The following ZNF362 variants were observed in gnomAD, a reference collection of about 807,000 sequenced individuals.
ZNF362 encodes rotund homolog.
Under a neutral mutation model 42.9 loss-of-function variants are expected in ZNF362, and 11 were observed. That is an observed-to-expected ratio of 0.26 (90% CI 0.16 to 0.42). The LOEUF (loss-of-function observed/expected upper bound fraction) is 0.42. Among genes scored for constraint, ZNF362 ranks in the 20% least tolerant of loss-of-function variants. The pLI, the probability that ZNF362 is intolerant of heterozygous loss-of-function variation, is 1.00. For missense variants in ZNF362, 362 were observed against 576.2 expected, an observed-to-expected ratio of 0.63 and a Z score of 3.81; for synonymous variants, 255 against 257.3, an observed-to-expected ratio of 0.99 and a Z score of 0.09.
chr1:33,275,227 C>G, intron 2 of ZNF362: 2 of 985,426 alleles, frequency 2.0e-6, no homozygotes, highest in Non-Finnish European at 2.4e-6. Context: ...AGCAGGAAGA[C>G]AAACCTTCTG....
chr1:33,201,714 A>G, the ZNF362 span, among the ~76,000 whole-genome samples: 30 of 152,188 alleles, frequency 2.0e-4, no homozygotes, highest in African/African-American at 5.8e-4. Context: ...AAGAAACAAC[A>G]AAAAGAGAAA....
At chr1:33,149,942 C>T in the ZNF362 span, among the ~76,000 whole-genome samples, 2 of 152,206 alleles carry the variant, frequency 1.3e-5, no homozygotes, top group African/African-American at 4.8e-5. Context: ...GAAAGACTCA[C>T]CAAATTAAAC....
chr1:33,207,511 T>C, the ZNF362 span, among the ~76,000 whole-genome samples: 8 of 152,200 alleles, frequency 5.3e-5, no homozygotes, highest in African/African-American at 1.9e-4. Context: ...TTCTAGATCC[T>C]TGAAGAATCA....
the ZNF362 span, among the ~76,000 whole-genome samples, chr1:33,244,084 T>G: frequency 6.6e-6 from 1 of 152,208 alleles, no homozygotes; most frequent in Non-Finnish European, 1.5e-5. The surrounding 1 kb of genome is among the most constrained non-coding windows in gnomAD (Gnocchi z 4.0). Flanking sequence ...GTAATCACTA[T>G]GATGTCTACA....
the ZNF362 span, among the ~76,000 whole-genome samples, chr1:33,236,550 A>AATATATATATAT: frequency 2.8e-3 from 17 of 5,970 alleles, 2 homozygotes; most frequent in South Asian, 0.019. Flanking sequence ...AAAAAAAAAA[A>AATATATATATAT]ATATATATAT....
At chr1:33,214,167 T>G in the ZNF362 span, among the ~76,000 whole-genome samples, 3 of 152,180 alleles carry the variant, frequency 2.0e-5, no homozygotes, top group Non-Finnish European at 4.4e-5. Flanking sequence ...AATAGCTGAA[T>G]GCACACCCCT....
the ZNF362 span, among the ~76,000 whole-genome samples, chr1:33,185,152 G>A: frequency 6.6e-6 from 1 of 152,122 alleles, no homozygotes; most frequent in Non-Finnish European, 1.5e-5. Context: ...TCAGTAGATA[G>A]TCTTAATATG....
chr1:33,144,301 C>T, the ZNF362 span, among the ~76,000 whole-genome samples: 2 of 152,158 alleles, frequency 1.3e-5, no homozygotes, highest in Non-Finnish European at 2.9e-5. Context: ...CCACACCCGG[C>T]TAATTTTGTA....
chr1:33,295,090 A>T, intron 7 of ZNF362, 57 bp from the exon 8 acceptor site: 2 of 1,612,878 alleles, frequency 1.2e-6, no homozygotes. Flanking sequence ...AAGCGTAGGA[A>T]GGGGGTGGGG....
At chr1:33,210,520 T>G in the ZNF362 span, among the ~76,000 whole-genome samples, 1 of 152,174 alleles carries the variant, frequency 6.6e-6, no homozygotes, top group East Asian at 1.9e-4. Flanking sequence ...ATATTGACAG[T>G]GGGGTATTAA....
At chr1:33,279,646 C>CTTTT (rs567406398) in intron 4 of ZNF362, among the ~76,000 whole-genome samples, 9 of 147,414 alleles carry the variant, frequency 6.1e-5, no homozygotes, top group East Asian at 2.0e-4. Flanking sequence ...AGTTAAGCCT[C>CTTTT]TTTTTTTTTT....
intron 7 of ZNF362, 34 bp from the exon 8 acceptor site, chr1:33,295,113 G>A: frequency 1.2e-6 from 2 of 1,613,402 alleles, no homozygotes; most frequent in Non-Finnish European, 1.7e-6. Flanking sequence ...AGGGAGCCCT[G>A]TTCCTCTCCT....
the ZNF362 span, among the ~76,000 whole-genome samples, chr1:33,236,576 T>TATATATATAC: frequency 2.0e-5 from 2 of 97,894 alleles, no homozygotes; most frequent in East Asian, 7.8e-4. Flanking sequence ...TATATATACA[T>TATATATATAC]ACACACACAC....
At chr1:33,132,595 G>T in the ZNF362 span, among the ~76,000 whole-genome samples, 1 of 152,172 alleles carries the variant, frequency 6.6e-6, no homozygotes, top group African/African-American at 2.4e-5. Context: ...TCTCCTGACT[G>T]GTTAGTTGCT....
chr1:33,273,767 C>A lies in ZNF362; in HGVS notation c.39-2333C>A, dbSNP rs149746606. 5.2e-3 allele frequency among the ~76,000 whole-genome samples: 799 copies of A among 152,332 alleles called. 11 individuals carry two copies. The highest frequency in any genetic ancestry group is 0.016 in the South Asian group (78 of 4,824). On this transcript the variant is annotated intron_variant, in intron 2 of 8. Coordinates refer to ENST00000539719, the MANE Select transcript of ZNF362 (RefSeq NM_152493.3). Reference sequence around the variant, plus strand: ...AAATCAGGGTGAAAATTCTTCCTTGCTTGCCATCCTCCTGAGGTTCTGATG... The same window carrying A: ...AAATCAGGGTGAAAATTCTTCCTTGATTGCCATCCTCCTGAGGTTCTGATG...
chr1:33,263,910 C>T (rs1645846318), intron 1 of ZNF362, among the ~76,000 whole-genome samples: 1 of 152,200 alleles, frequency 6.6e-6, no homozygotes, highest in Admixed American at 6.5e-5. Context: ...CCGGTCTTCC[C>T]TGGCCTGTTC....
At chr1:33,283,790 A>G (rs943519826) in intron 6 of ZNF362, among the ~76,000 whole-genome samples, 1 of 152,230 alleles carries the variant, frequency 6.6e-6, no homozygotes, top group Admixed American at 6.5e-5. Context: ...CATGCCTCCC[A>G]AGGCACAAGT....
rs146562807 is a variant in ZNF362, at chr1:33,293,581, G to T, written c.909-1356G>T. ...GAGGGGCTGGGGCCTTGGAAGGAAG[G>T]AGTGGACACCCTTTTGATAAAATCT... On this transcript the variant is annotated intron_variant, in intron 6 of 8. Transcript: ENST00000539719. Among the ~76,000 whole-genome samples, 558 of 152,274 alleles carry T rather than the reference G, an allele frequency of 3.7e-3. 31 individuals carry two copies. The East Asian group carries it at 0.093, about 25-fold the overall frequency.
At chr1:33,252,441 A>G (rs1645767056), upstream of ZNF362, among the ~76,000 whole-genome samples, 1 of 152,230 alleles carries the variant, frequency 6.6e-6, no homozygotes, top group Non-Finnish European at 1.5e-5. Context: ...GAAGGTCACA[A>G]GTTCCAGTGG....
Sources: allele counts gnomAD v4.1 joint callset (sites outside exome capture counted in the v4.1 genomes callset), GRCh38; gene constraint gnomAD v4.1.1; non-coding constraint Gnocchi (gnomAD v3.1); transcripts MANE v1.5; gene names NCBI Gene and HGNC (gene_info 2026-07-23, HGNC 2026-07-21).